Variants in HMGA2 observed in about 807,000 individuals in gnomAD.
HMGA2 encodes the protein high mobility group AT-hook 2.
In HMGA2, 8 loss-of-function variants were observed where a neutral mutation model predicts 19.1. That is an observed-to-expected ratio of 0.42 (90% CI 0.25 to 0.76). The LOEUF is 0.76. Ranked by LOEUF, HMGA2 falls within the 30% of genes least tolerant of loss-of-function variation. HMGA2 has a pLI of 0.28. For synonymous variants in HMGA2, 60 were observed against 48.8 expected, an observed-to-expected ratio of 1.23 and a Z score of -0.96; for missense variants, 109 against 136.3, an observed-to-expected ratio of 0.80 and a Z score of 1.00.
At chr12:65,962,967 C>T (rs866129854) in intron 4 of HMGA2, among the ~76,000 whole-genome samples, 3 of 152,250 alleles carry the variant, frequency 2.0e-5, no homozygotes, top group Middle Eastern at 3.4e-3. Context: ...ATTGCCCTGA[C>T]ATTCTCTGGA....
intron 3 of HMGA2, among the ~76,000 whole-genome samples, chr12:65,850,483 G>A (rs551949912): frequency 6.6e-6 from 1 of 151,496 alleles, no homozygotes; most frequent in Admixed American, 6.6e-5. Context: ...AGAGAGCTTG[G>A]CCTTACATAG....
At chr12:65,861,525 G>C (rs1192557988) in intron 3 of HMGA2, among the ~76,000 whole-genome samples, 1 of 151,432 alleles carries the variant, frequency 6.6e-6, no homozygotes, top group Non-Finnish European at 1.5e-5. Flanking sequence ...GGGTCACTAT[G>C]GAACACTGCG....
chr12:65,932,051 C>T (rs2121269041), intron 3 of HMGA2, among the ~76,000 whole-genome samples: 1 of 152,270 alleles, frequency 6.6e-6, no homozygotes, highest in Admixed American at 6.5e-5. Context: ...TCTGCATTTT[C>T]ATTCTAAGAA....
rs1217468301 is a variant in HMGA2, at chr12:65,844,899, A to G, written c.249+6330A>G. On this transcript the variant is annotated intron_variant, in intron 3 of 4. Transcript: ENST00000403681. ...GTTCATAAAAATATCTTATTTCTCC[A>G]TATGCTATCATCAGATCAATAGAGT... 2.0e-5 allele frequency among the ~76,000 whole-genome samples: 3 copies of G among 152,228 alleles called. 1 individual carries two copies. The South Asian group carries it at 6.2e-4, about 32-fold the overall frequency.
chr12:65,871,517 G>T (rs1013634484), intron 3 of HMGA2, among the ~76,000 whole-genome samples: 1 of 152,140 alleles, frequency 6.6e-6, no homozygotes, highest in Non-Finnish European at 1.5e-5. Flanking sequence ...CTTTAGCTTG[G>T]CCTCCAGGTA....
chr12:65,890,571 C>G (rs1283332255), intron 3 of HMGA2, among the ~76,000 whole-genome samples: 1 of 152,072 alleles, frequency 6.6e-6, no homozygotes, highest in African/African-American at 2.4e-5. Flanking sequence ...TTGACTCAAG[C>G]AAGCTACATA....
chr12:65,874,701 A>AG lies in HMGA2; in HGVS notation c.249+36132_249+36133insG, dbSNP rs199608961. ...TTGGCAAGATATCTTTTTTAAAAAAATAAAGTAATGGATAATCATAGTTCA... is the reference window on the plus strand; with the variant it reads ...TTGGCAAGATATCTTTTTTAAAAAAAGTAAAGTAATGGATAATCATAGTTCA... On this transcript the variant is annotated intron_variant, in intron 3 of 4. Coordinates refer to ENST00000403681, the MANE Select transcript of HMGA2 (RefSeq NM_003483.6). 4.3e-3 allele frequency among the ~76,000 whole-genome samples: 662 copies of AG among 152,354 alleles called. 7 individuals carry two copies. The highest frequency in any genetic ancestry group is 0.02 in the Middle Eastern group (6 of 294).
intron 3 of HMGA2, chr12:65,866,916 T>C (rs1872449076): frequency 2.2e-6 from 1 of 457,162 alleles, no homozygotes. Context: ...TTCTTTCTGC[T>C]GCTGTCAAGA....
intron 3 of HMGA2, among the ~76,000 whole-genome samples, chr12:65,904,138 G>A (rs1237313761): frequency 6.6e-6 from 1 of 152,182 alleles, no homozygotes; most frequent in East Asian, 1.9e-4. Context: ...TTTTCCAGAG[G>A]CCCTGGGCCA....
intron 3 of HMGA2, among the ~76,000 whole-genome samples, chr12:65,872,389 C>T (rs183638557): frequency 6.6e-6 from 1 of 152,120 alleles, no homozygotes; most frequent in Non-Finnish European, 1.5e-5. Flanking sequence ...CTCTGCACGT[C>T]GCTCGTCTCC....
chr12:65,838,412 AC>A (rs1870830722), intron 2 of HMGA2, 106 bp from the exon 3 acceptor site: 2 of 803,060 alleles, frequency 2.5e-6, no homozygotes, highest in African/African-American at 3.5e-5. Context: ...AAAAACCGAT[AC>A]GTCATCTGCA....
At chr12:65,872,269 C>T (rs1872747432) in intron 3 of HMGA2, among the ~76,000 whole-genome samples, 3 of 152,192 alleles carry the variant, frequency 2.0e-5, no homozygotes, top group African/African-American at 4.8e-5. Context: ...AGCCGTGCCT[C>T]CTTATTTCAC....
intron 2 of HMGA2, 109 bp downstream of exon 2, chr12:65,828,196 G>C: frequency 8.7e-6 from 7 of 803,374 alleles, no homozygotes; most frequent in South Asian, 8.4e-5. Context: ...TCCCAACTGG[G>C]TAACACAAGA....
chr12:65,880,842 A>G (rs1388627688), intron 3 of HMGA2, among the ~76,000 whole-genome samples: 1 of 152,216 alleles, frequency 6.6e-6, no homozygotes, highest in Non-Finnish European at 1.5e-5. Context: ...ATCATTAGGT[A>G]CCTTTCAAGA....
chr12:65,885,467 G>T (rs892262531), intron 3 of HMGA2, among the ~76,000 whole-genome samples: 3 of 152,128 alleles, frequency 2.0e-5, no homozygotes, highest in Admixed American at 6.5e-5. Flanking sequence ...AAAACAAAAT[G>T]TTTTCCCTCT....
rs1565697467 is a variant in HMGA2, at chr12:65,824,721, CT to C, written c.-549del. Reference sequence around the variant, plus strand: ...CTTTCAATCTCAATCTCTTCTCTCTCTCTCTCTCTCTCTCTCTCTCTCTCTC... The same window carrying C: ...CTTTCAATCTCAATCTCTTCTCTCTCCTCTCTCTCTCTCTCTCTCTCTCTC... On this transcript the variant is annotated 5_prime_UTR_variant, in exon 1 of 5. Transcript: ENST00000403681. 4.1e-5 allele frequency: 4 copies of C among 97,928 alleles called. No homozygotes were observed. Among genetic ancestry groups the C allele is most frequent in the Non-Finnish European group, 4.5e-5 (2 of 44,164 alleles). The allele number at this position is 97,928 out of a possible 1,614,324, so 6.1% of individuals were successfully genotyped here.
rs1876813722 is a variant in HMGA2 at position 65,963,433 on chromosome 12, GGGT to G, written c.*144_*146del. The G allele has an allele frequency of 1.9e-5, 8 of 412,412 alleles. No homozygotes were observed. Among genetic ancestry groups the G allele is most frequent in the Admixed American group, 3.8e-5 (1 of 26,104 alleles). 25.5% of individuals were successfully genotyped at this position (412,412 alleles called of 1,614,324 possible). On this transcript the variant is annotated 3_prime_UTR_variant, in exon 5 of 5. Transcript: ENST00000403681. ...GGGTGGGGTGGGGTGGGGGAGGGGG[GGGT>G]GGGGTGGGGAGAAATCACATAACCT...
chr12:65,888,656 C>T (rs1214343133), intron 3 of HMGA2, among the ~76,000 whole-genome samples: 4 of 142,458 alleles, frequency 2.8e-5, no homozygotes, highest in African/African-American at 1.0e-4. Flanking sequence ...CTCCGCCTCC[C>T]GGGTTCATGC....
intron 3 of HMGA2, among the ~76,000 whole-genome samples, chr12:65,941,995 A>G (rs1393168495): frequency 6.6e-6 from 1 of 152,238 alleles, no homozygotes; most frequent in Non-Finnish European, 1.5e-5. Flanking sequence ...CTATCTGAAT[A>G]ATTGGCCAAA....
Sources: gnomAD v4.1 joint callset for allele counts (sites outside exome capture counted in the v4.1 genomes callset) on GRCh38, gnomAD v4.1.1 for gene constraint, MANE v1.5 for transcripts, NCBI Gene and HGNC (gene_info 2026-07-23, HGNC 2026-07-21) for gene names.